Variants in PIAS2 observed in about 807,000 individuals in gnomAD.
PIAS2 encodes the protein E3 SUMO-protein ligase PIAS2.
Under a neutral mutation model 69.7 loss-of-function variants are expected in PIAS2, and 19 were observed. The ratio of observed to expected loss-of-function variants is 0.27; its 90% CI spans 0.19 to 0.40. PIAS2 has a LOEUF of 0.40. PIAS2 is among the 10% of genes least tolerant of loss of function. The probability of loss-of-function intolerance (pLI) is 1.00; values close to 1 mark genes in which losing one functional copy is unlikely to be tolerated. For missense variants in PIAS2, 624 were observed against 757.0 expected, an observed-to-expected ratio of 0.82 and a Z score of 2.06; for synonymous variants, 261 against 263.2, an observed-to-expected ratio of 0.99 and a Z score of 0.08.
chr18:46,832,144 C>T (rs777807936), intron 9 of PIAS2, among the ~76,000 whole-genome samples: 4 of 152,148 alleles, frequency 2.6e-5, no homozygotes, highest in African/African-American at 4.8e-5. Context: ...AGGCCAGGCA[C>T]GGTGGCTCAT....
intron 12 of PIAS2, chr18:46,818,029 G>C: frequency 1.0e-6 from 1 of 989,966 alleles, no homozygotes; most frequent in Non-Finnish European, 1.2e-6. Flanking sequence ...GGTTGAAAAT[G>C]CTCAATTACT....
chr18:46,916,497 CTTAG>C (rs556542695), intron 1 of PIAS2, among the ~76,000 whole-genome samples: 95 of 152,212 alleles, frequency 6.2e-4, no homozygotes, highest in Middle Eastern at 3.4e-3. Context: ...ATTCGTCACA[CTTAG>C]TTAGGACTTT....
At position 46,856,150 on chromosome 18, in the gene PIAS2, C is replaced by T. The variant is rs184266952; in HGVS notation, c.585-535G>A. ...CCTCCCGAGTAGCTGGGACTACAGGCGCCCGCCACCACGCCCGGCTAATTT... is the reference window on the plus strand; with the variant it reads ...CCTCCCGAGTAGCTGGGACTACAGGTGCCCGCCACCACGCCCGGCTAATTT... On this transcript the variant is annotated intron_variant, in intron 3 of 13. Transcript: ENST00000585916. 2.5e-4 allele frequency among the ~76,000 whole-genome samples: 38 copies of T among 151,674 alleles called. No individual in the cohort carries two copies. In the East Asian group the frequency reaches 6.4e-3, roughly 26 times the overall value.
chr18:46,846,502 A>G (rs2046183997), intron 6 of PIAS2: 2 of 395,390 alleles, frequency 5.1e-6, no homozygotes, highest in Non-Finnish European at 8.8e-6. Flanking sequence ...CCAGGAAAAT[A>G]AAGAGATGAT....
intron 1 of PIAS2, chr18:46,891,668 A>C (rs1368701754): frequency 1.0e-6 from 1 of 966,132 alleles, no homozygotes; most frequent in African/African-American, 1.8e-5. Flanking sequence ...CAAACTTCTA[A>C]AACAACTGAA....
At chr18:46,874,659 A>C (rs1204117884) in intron 2 of PIAS2, among the ~76,000 whole-genome samples, 1 of 152,206 alleles carries the variant, frequency 6.6e-6, no homozygotes, top group Non-Finnish European at 1.5e-5. Context: ...ATGAAATGCT[A>C]TACGGGTTGC....
Position 46,807,381 on chromosome 18 carries a change from ATATTTTTTTTTTT to A in PIAS2, c.*5039_*5051del, listed in dbSNP as rs1287636167. On this transcript the variant is annotated 3_prime_UTR_variant, in exon 14 of 14. Coordinates refer to ENST00000585916, the MANE Select transcript of PIAS2 (RefSeq NM_004671.5). Reference sequence around the variant, plus strand: ...TATATATATATATATATATATATATATATTTTTTTTTTTTTTTTTTTTTTTTTTTAGAGAGTCT... The same window carrying A: ...TATATATATATATATATATATATATATTTTTTTTTTTTTTTTAGAGAGTCT... The A allele has an allele frequency of 1.0e-4, 2 of 19,848 alleles. No homozygotes were observed. Among genetic ancestry groups the A allele is most frequent in the Admixed American group, 4.8e-4 (1 of 2,070 alleles). The allele number at this position is 19,848 out of a possible 1,614,324, so 1.2% of individuals were successfully genotyped here.
Position 46,890,676 on chromosome 18 carries a change from G to A in PIAS2, c.403C>T (p.Pro135Ser), listed in dbSNP as rs775634914. The A allele has an allele frequency of 2.5e-6, 4 of 1,613,792 alleles. No individual in the cohort carries two copies. The East Asian group carries it at 8.9e-5, about 36-fold the overall frequency. Residue 135 changes from proline to serine, a missense_variant, in exon 2 of 14, where the codon CCA (proline) becomes TCA (serine). Physicochemically the swap from Pro to Ser is moderately conservative, Grantham distance 74. Transcript: ENST00000585916. ...TGGACAGGAGGAATTGGGGGAGATG[G>A]CTGCTGCATCTCAAATGTGGGCTTA... Reference protein sequence around the residue: ...DTKPTFEMQQPSPPIPPVHPD... With the variant: ...DTKPTFEMQQSSPPIPPVHPD...
chr18:46,854,760 C>T (rs1331725723), intron 5 of PIAS2, among the ~76,000 whole-genome samples: 1 of 152,120 alleles, frequency 6.6e-6, no homozygotes, highest in Non-Finnish European at 1.5e-5. Flanking sequence ...AATGCATCAT[C>T]AAGGCCCAAG....
At chr18:46,868,695 A>C (rs2049871240) in intron 2 of PIAS2, among the ~76,000 whole-genome samples, 1 of 152,194 alleles carries the variant, frequency 6.6e-6, no homozygotes, top group Admixed American at 6.5e-5. Flanking sequence ...CTGCAGAAGT[A>C]AATTTGCTTT....
intron 6 of PIAS2, 121 bp from the exon 7 acceptor site, chr18:46,844,960 A>C (rs2045960215): frequency 4.4e-6 from 2 of 454,664 alleles, no homozygotes; most frequent in African/African-American, 4.1e-5. Flanking sequence ...ACTTCCATGG[A>C]ATGGTCAATC....
intron 3 of PIAS2, 21 bp downstream of exon 3, chr18:46,864,143 T>C: frequency 7.3e-7 from 1 of 1,372,032 alleles, no homozygotes; most frequent in South Asian, 1.3e-5. Context: ...ATGAGAAATA[T>C]ATTCCAAATA....
At chr18:46,851,111 G>A (rs1198256713) in intron 5 of PIAS2, among the ~76,000 whole-genome samples, 2 of 152,186 alleles carry the variant, frequency 1.3e-5, no homozygotes, top group African/African-American at 4.8e-5. Context: ...TTGAGTTTAT[G>A]TCAGTCCTGA....
At chr18:46,864,486 G>A (rs1001971426) in intron 2 of PIAS2, among the ~76,000 whole-genome samples, 1 of 152,062 alleles carries the variant, frequency 6.6e-6, no homozygotes, top group Non-Finnish European at 1.5e-5. Context: ...AAATACTAAT[G>A]CAGGCTGGGT....
At chr18:46,860,740 A>T (rs2048531060) in intron 3 of PIAS2, among the ~76,000 whole-genome samples, 1 of 152,118 alleles carries the variant, frequency 6.6e-6, no homozygotes, top group Non-Finnish European at 1.5e-5. Context: ...AGTTTGGGGG[A>T]CAAAGGAGGG....
chr18:46,911,436 T>G (rs8091984), intron 1 of PIAS2, among the ~76,000 whole-genome samples: 79,114 of 151,712 alleles, frequency 0.52, 20,832 homozygotes, highest in Middle Eastern at 0.57. Flanking sequence ...GGCTGGTCTC[T>G]AACTCCTGAC....
intron 7 of PIAS2, 95 bp from the exon 8 acceptor site, chr18:46,844,222 A>G: frequency 2.0e-6 from 1 of 509,230 alleles, no homozygotes; most frequent in South Asian, 5.1e-5. Flanking sequence ...ACAAAATGTT[A>G]CATATTAATG....
intron 10 of PIAS2, 93 bp downstream of exon 10, chr18:46,829,641 C>A: frequency 1.8e-6 from 2 of 1,094,434 alleles, no homozygotes; most frequent in African/African-American, 1.6e-5. Flanking sequence ...AGTCAACAAG[C>A]TGAATTCCAA....
intron 8 of PIAS2, among the ~76,000 whole-genome samples, chr18:46,842,297 T>C (rs920180622): frequency 6.8e-6 from 1 of 146,370 alleles, no homozygotes; most frequent in South Asian, 2.2e-4. Context: ...AAAAAAAATT[T>C]AAAAAGCCTG....
Sources: gnomAD v4.1 joint callset for allele counts (sites outside exome capture counted in the v4.1 genomes callset) on GRCh38, gnomAD v4.1.1 for gene constraint, MANE v1.5 for transcripts, NCBI Gene and HGNC (gene_info 2026-07-23, HGNC 2026-07-21) for gene names.